Variants in THEMIS observed in about 807,000 individuals in gnomAD.
THEMIS encodes the protein protein THEMIS.
Under a neutral mutation model 52.6 loss-of-function variants are expected in THEMIS, and 37 were observed. The ratio of observed to expected loss-of-function variants is 0.70; its 90% CI spans 0.54 to 0.93. THEMIS has a LOEUF of 0.93. Among genes scored for constraint, THEMIS ranks in the 40% least tolerant of loss-of-function variants. THEMIS has a pLI of 0.00. For missense variants in THEMIS, 808 were observed against 763.1 expected, an observed-to-expected ratio of 1.06 and a Z score of -0.69; for synonymous variants, 292 against 272.7, an observed-to-expected ratio of 1.07 and a Z score of -0.70.
chr6:127,870,534 G>GT (rs1224922859), intron 1 of THEMIS, among the ~76,000 whole-genome samples: 3 of 151,986 alleles, frequency 2.0e-5, no homozygotes, highest in Admixed American at 6.6e-5. Context: ...ATTTAAATAC[G>GT]TTTTTTTAAA....
chr6:127,835,913 A>G (rs1038733145), intron 2 of THEMIS, among the ~76,000 whole-genome samples: 1 of 152,172 alleles, frequency 6.6e-6, no homozygotes, highest in African/African-American at 2.4e-5. Context: ...GAATTTAACC[A>G]TCATAATTTT....
At chr6:127,842,655 C>T (rs1296234851) in intron 2 of THEMIS, among the ~76,000 whole-genome samples, 1 of 151,812 alleles carries the variant, frequency 6.6e-6, no homozygotes, top group African/African-American at 2.4e-5. Context: ...AAGAGAATGT[C>T]TCCCTCCCCA....
chr6:127,858,277 G>GA (rs1257829635), intron 1 of THEMIS, among the ~76,000 whole-genome samples: 4 of 151,974 alleles, frequency 2.6e-5, no homozygotes, highest in African/African-American at 9.7e-5. Flanking sequence ...CCTTTTGGAA[G>GA]AAAAAAGCTC....
At chr6:127,833,583 A>G (rs961868244) in intron 2 of THEMIS, among the ~76,000 whole-genome samples, 1 of 152,156 alleles carries the variant, frequency 6.6e-6, no homozygotes, top group Non-Finnish European at 1.5e-5. Context: ...CATGAGAATA[A>G]CATGTTTATG....
rs767813807 is a variant in THEMIS at position 127,719,679 on chromosome 6, C to T, written c.1894+9G>A. 1.2e-6 allele frequency: 2 copies of T among 1,607,760 alleles called. No individual in the cohort carries two copies. Among genetic ancestry groups the T allele is most frequent in the Admixed American group, 1.7e-5 (1 of 58,918 alleles). ...CCGTGGTTTAACTGACCTATAGTCA[C>T]ATCAGTACCTGCTATTGCTGTGGCC... On this transcript the variant is annotated intron_variant, in intron 5 of 5. Transcript: ENST00000368248.
chr6:127,735,082 T>C (rs1180199575), intron 4 of THEMIS, among the ~76,000 whole-genome samples: 5 of 151,524 alleles, frequency 3.3e-5, no homozygotes, highest in African/African-American at 1.2e-4. Context: ...TAGGATGATA[T>C]TGTTAGATCT....
At chr6:127,819,194 G>A (rs1177626974) in intron 3 of THEMIS, among the ~76,000 whole-genome samples, 3 of 147,430 alleles carry the variant, frequency 2.0e-5, no homozygotes, top group Admixed American at 2.0e-4. Flanking sequence ...TCTTTGGTGG[G>A]TTTCTCATTA....
chr6:127,770,834 A>T (rs895482695), intron 4 of THEMIS, among the ~76,000 whole-genome samples: 2 of 152,164 alleles, frequency 1.3e-5, no homozygotes, highest in African/African-American at 4.8e-5. Flanking sequence ...AGCTTTCTCC[A>T]TATGGCTAGC....
intron 5 of THEMIS, among the ~76,000 whole-genome samples, chr6:127,713,685 G>T (rs79352203): frequency 0.047 from 7,192 of 151,944 alleles, 176 homozygotes; most frequent in East Asian, 0.092. Flanking sequence ...AAAGCCACAT[G>T]GATCTCTGGG....
chr6:127,728,664 A>G (rs1363689345), intron 4 of THEMIS, among the ~76,000 whole-genome samples: 1 of 152,194 alleles, frequency 6.6e-6, no homozygotes, highest in Non-Finnish European at 1.5e-5. Flanking sequence ...GGTACTAAGA[A>G]AGAAGAGGCA....
At chr6:127,826,039 G>T (rs1778496267) in intron 3 of THEMIS, among the ~76,000 whole-genome samples, 1 of 152,126 alleles carries the variant, frequency 6.6e-6, no homozygotes, top group South Asian at 2.1e-4. Context: ...GGGGAAGTAG[G>T]AATATAAGAG....
chr6:127,870,546 A>C (rs1780126182), intron 1 of THEMIS, among the ~76,000 whole-genome samples: 1 of 152,204 alleles, frequency 6.6e-6, no homozygotes, highest in Non-Finnish European at 1.5e-5. Flanking sequence ...TTTTTTAAAA[A>C]CAAAGATTGG....
rs961734627 is a variant in THEMIS, at chr6:127,708,236, C to T, written c.*1749G>A. The T allele has an allele frequency of 1.3e-5, 2 of 152,064 alleles. No individual in the cohort carries two copies. The highest frequency in any genetic ancestry group is 4.8e-5 in the African/African-American group (2 of 41,414). 9.4% of individuals were successfully genotyped at this position (152,064 alleles called of 1,614,324 possible). A position where few individuals can be genotyped will look rare whatever the true frequency, so the allele number is the denominator to read the frequency against. ...AAGTTTATTTTCAACCTTCCCAAAT[C>T]TCCAATAGGTGAGCATGAAGTTTAT... On this transcript the variant is annotated 3_prime_UTR_variant, in exon 6 of 6. Transcript: ENST00000368248.
chr6:127,826,341 G>C (rs1163401063), intron 3 of THEMIS, among the ~76,000 whole-genome samples: 1 of 152,088 alleles, frequency 6.6e-6, no homozygotes, highest in African/African-American at 2.4e-5. Flanking sequence ...GGAAGTCTCA[G>C]TATTCTAAAG....
intron 4 of THEMIS, among the ~76,000 whole-genome samples, chr6:127,772,242 G>A (rs1469436103): frequency 6.6e-6 from 1 of 151,538 alleles, no homozygotes; most frequent in Non-Finnish European, 1.5e-5. Context: ...GAATTGCTAG[G>A]TCAAAAAGTA....
At chr6:127,876,916 G>T (rs1436146438) in intron 1 of THEMIS, among the ~76,000 whole-genome samples, 1 of 152,136 alleles carries the variant, frequency 6.6e-6, no homozygotes, top group Non-Finnish European at 1.5e-5. Flanking sequence ...AGATATTGCA[G>T]ATTTGGTTCT....
intron 3 of THEMIS, among the ~76,000 whole-genome samples, chr6:127,822,642 GGTTA>G (rs1329102428): frequency 6.6e-6 from 1 of 152,024 alleles, no homozygotes; most frequent in African/African-American, 2.4e-5. Flanking sequence ...TGTTTGTAAT[GGTTA>G]GTTTTACATA....
chr6:127,792,740 A>T (rs1284596607), intron 4 of THEMIS, among the ~76,000 whole-genome samples: 2 of 152,184 alleles, frequency 1.3e-5, no homozygotes, highest in African/African-American at 2.4e-5. Flanking sequence ...AGGAAATAAC[A>T]GTTTTGCAGC....
chr6:127,787,755 C>T (rs1244548975), intron 4 of THEMIS, among the ~76,000 whole-genome samples: 3 of 151,672 alleles, frequency 2.0e-5, no homozygotes, highest in African/African-American at 7.3e-5. Flanking sequence ...AAAATTAAGT[C>T]TACTAACTAT....
Sources: allele counts gnomAD v4.1 joint callset (sites outside exome capture counted in the v4.1 genomes callset), GRCh38; gene constraint gnomAD v4.1.1; transcripts MANE v1.5; gene names NCBI Gene and HGNC (gene_info 2026-07-23, HGNC 2026-07-21).